The following CTNNA2 variants were observed in gnomAD, a reference collection of about 807,000 sequenced individuals.
The protein encoded by CTNNA2 is catenin alpha-2.
Under a neutral mutation model 101.0 loss-of-function variants are expected in CTNNA2, and 42 were observed. The observed-to-expected ratio is 0.42, with a 90% confidence interval of 0.32 to 0.54. The LOEUF is 0.54. Among genes scored for constraint, CTNNA2 ranks in the 20% least tolerant of loss-of-function variants. CTNNA2 has a pLI of 0.14. For synonymous variants in CTNNA2, 450 were observed against 456.4 expected, an observed-to-expected ratio of 0.99 and a Z score of 0.18; for missense variants, 871 against 1,223.1, an observed-to-expected ratio of 0.71 and a Z score of 4.29.
chr2:80,437,610 G>A (rs989386405), intron 9 of CTNNA2, among the ~76,000 whole-genome samples: 2 of 152,176 alleles, frequency 1.3e-5, no homozygotes, highest in African/African-American at 4.8e-5. Context: ...GGCAGTTATT[G>A]TTCTTTCTGG....
intron 4 of CTNNA2, among the ~76,000 whole-genome samples, chr2:79,466,077 C>G (rs1670931272): frequency 6.6e-6 from 1 of 152,208 alleles, no homozygotes; most frequent in African/African-American, 2.4e-5. Flanking sequence ...TTAGCCGAAG[C>G]AGGGCGAGGC....
chr2:79,864,774 A>G (rs1681899837), intron 4 of CTNNA2, among the ~76,000 whole-genome samples: 1 of 152,176 alleles, frequency 6.6e-6, no homozygotes, highest in Non-Finnish European at 1.5e-5. Flanking sequence ...GAAATTGAGT[A>G]TGGGCTCTGG....
upstream of CTNNA2, among the ~76,000 whole-genome samples, chr2:79,510,647 T>C (rs998611503): frequency 1.3e-5 from 2 of 152,222 alleles, no homozygotes; most frequent in Non-Finnish European, 2.9e-5. Flanking sequence ...TTCTTATCAC[T>C]GTCTGATTGA....
chr2:79,703,293 A>T (rs985300975), intron 2 of CTNNA2, among the ~76,000 whole-genome samples: 3 of 152,256 alleles, frequency 2.0e-5, no homozygotes, highest in Admixed American at 1.3e-4. Context: ...TGACATTAGT[A>T]GCTTAAAAGA....
chr2:80,173,210 C>T (rs1705180640), intron 7 of CTNNA2, among the ~76,000 whole-genome samples: 1 of 152,170 alleles, frequency 6.6e-6, no homozygotes, highest in Non-Finnish European at 1.5e-5. Context: ...CTGAACCTAC[C>T]CTAGCCACGT....
At chr2:80,589,901 T>TGCGC (rs924388085) in intron 15 of CTNNA2, among the ~76,000 whole-genome samples, 10 of 140,552 alleles carry the variant, frequency 7.1e-5, no homozygotes, top group South Asian at 2.2e-4. Context: ...TGTGTGTGTG[T>TGCGC]GTGTGCGCGC....
At chr2:80,027,833 C>T (rs978128982) in intron 7 of CTNNA2, among the ~76,000 whole-genome samples, 16 of 151,490 alleles carry the variant, frequency 1.1e-4, no homozygotes, top group Admixed American at 4.6e-4. Context: ...ATTAGGTAGA[C>T]GTGGTCACAT....
intron 2 of CTNNA2, among the ~76,000 whole-genome samples, chr2:79,206,146 T>C (rs1429176824): frequency 6.6e-6 from 1 of 152,200 alleles, no homozygotes; most frequent in Non-Finnish European, 1.5e-5. Context: ...TTTATAGGCA[T>C]TACTAAAATA....
chr2:80,224,476 G>T, intron 7 of CTNNA2, among the ~76,000 whole-genome samples: 1 of 151,874 alleles, frequency 6.6e-6, no homozygotes, highest in East Asian at 1.9e-4. Context: ...ATGGAGTGTC[G>T]CTCTGTCGCC....
chr2:79,731,905 T>G (rs1687223177), intron 2 of CTNNA2, among the ~76,000 whole-genome samples: 1 of 151,954 alleles, frequency 6.6e-6, no homozygotes, highest in Admixed American at 6.6e-5. Context: ...CAGACAGAGT[T>G]TCTCAGTTAG....
chr2:80,170,511 A>G (rs1364368909), intron 7 of CTNNA2, among the ~76,000 whole-genome samples: 1 of 152,168 alleles, frequency 6.6e-6, no homozygotes. Flanking sequence ...AAACTGAGGC[A>G]GGACTGACTC....
chr2:80,595,473 G>A (rs2149751702), intron 15 of CTNNA2, among the ~76,000 whole-genome samples: 1 of 152,146 alleles, frequency 6.6e-6, no homozygotes, highest in East Asian at 1.9e-4. Context: ...TCTTTAACTT[G>A]CCTGATTGCA....
chr2:79,581,474 A>G (rs1300524822), intron 1 of CTNNA2, among the ~76,000 whole-genome samples: 1 of 152,092 alleles, frequency 6.6e-6, no homozygotes, highest in Non-Finnish European at 1.5e-5. Context: ...GCAGTGAACC[A>G]AGATGGTACC....
rs1209181363 is a variant in CTNNA2, at chr2:80,265,128, C to A, written c.1057-128083C>A. On this transcript the variant is annotated intron_variant, in intron 7 of 18. Transcript: ENST00000402739. ...TAGCTGGGATTACAGGCGCCCACCA[C>A]CACACCCAGCTAATTTTTGTATTTT... Among the ~76,000 whole-genome samples the A allele has an allele frequency of 3.9e-5, 6 of 152,064 alleles. No individual in the cohort carries two copies. In the South Asian group the frequency reaches 1.2e-3, roughly 32 times the overall value.
intron 1 of CTNNA2, among the ~76,000 whole-genome samples, chr2:79,585,278 G>C (rs1676409078): frequency 6.6e-6 from 1 of 151,712 alleles, no homozygotes; most frequent in Admixed American, 6.6e-5. Context: ...TGGTTATTCA[G>C]ACACTTATTT....
At chr2:79,783,555 G>A (rs2105213522) in intron 3 of CTNNA2, among the ~76,000 whole-genome samples, 1 of 152,202 alleles carries the variant, frequency 6.6e-6, no homozygotes, top group African/African-American at 2.4e-5. Flanking sequence ...CTCTGCAGAG[G>A]AATCTTCAGT....
intron 3 of CTNNA2, among the ~76,000 whole-genome samples, chr2:79,346,349 T>C (rs1326093795): frequency 6.6e-6 from 1 of 152,164 alleles, no homozygotes; most frequent in Non-Finnish European, 1.5e-5. Context: ...TTGTCCTCAT[T>C]TTTCTGAACC....
At chr2:80,221,151 G>A (rs1208284988) in intron 7 of CTNNA2, among the ~76,000 whole-genome samples, 1 of 152,140 alleles carries the variant, frequency 6.6e-6, no homozygotes, top group African/African-American at 2.4e-5. Context: ...CCAAAGTGTT[G>A]GGATTACAGG....
chr2:79,555,350 G>A (rs1315860074), intron 1 of CTNNA2, among the ~76,000 whole-genome samples: 1 of 152,086 alleles, frequency 6.6e-6, no homozygotes, highest in Non-Finnish European at 1.5e-5. Context: ...TCTTGAATGG[G>A]GAGGGAAAGG....
Sources: allele counts gnomAD v4.1 joint callset (sites outside exome capture counted in the v4.1 genomes callset), GRCh38; gene constraint gnomAD v4.1.1; transcripts MANE v1.5; gene names NCBI Gene and HGNC (gene_info 2026-07-23, HGNC 2026-07-21).